ZNF37A: variants seen among roughly 807,000 people sequenced by gnomAD.
The protein encoded by ZNF37A is zinc finger protein 37A.
ZNF37A carries 10 observed loss-of-function variants against 12.3 expected under a neutral mutation model. The ratio of observed to expected loss-of-function variants is 0.82; its 90% confidence interval spans 0.50 to 1.38. The LOEUF (loss-of-function observed/expected upper bound fraction) is 1.38. Ranked by LOEUF, ZNF37A falls within the 40% of genes most tolerant of loss-of-function variation. The pLI, the probability that ZNF37A is intolerant of heterozygous loss-of-function variation, is 0.00. For missense variants in ZNF37A, 580 were observed against 651.2 expected (o/e 0.89, Z 1.19); for synonymous variants, 207 against 223.0 (o/e 0.93, Z 0.64).
chr10:38,104,382 T>C (rs2505197), intron 5 of ZNF37A, among the ~76,000 whole-genome samples: 62,317 of 151,692 alleles, frequency 0.41, 13,001 homozygotes, highest in East Asian at 0.5. Flanking sequence ...CATCAGCAAG[T>C]CATACCAGGA....
intron 7 of ZNF37A, chr10:38,117,072 A>G (rs192093442): frequency 1.3e-4 from 84 of 636,476 alleles, no homozygotes; most frequent in Non-Finnish European, 1.5e-4. Context: ...TCACGTCACT[A>G]CACTCCAGCC....
At chr10:38,115,460 C>G in intron 7 of ZNF37A, 170 bp downstream of exon 7, 1 of 843,272 alleles carries the variant, frequency 1.2e-6, no homozygotes, top group East Asian at 2.9e-5. Context: ...AATCACCCAG[C>G]ATCTCCCAGT....
chr10:38,100,515 A>G (rs2067479586), intron 5 of ZNF37A, among the ~76,000 whole-genome samples: 1 of 152,198 alleles, frequency 6.6e-6, no homozygotes, highest in Non-Finnish European at 1.5e-5. Context: ...TTCCTTGCTG[A>G]GAAAATTCAG....
downstream of ZNF37A, among the ~76,000 whole-genome samples, chr10:38,128,578 T>C (rs972386364): frequency 2.0e-5 from 3 of 152,166 alleles, no homozygotes; most frequent in African/African-American, 7.2e-5. Context: ...GGAACTAAAA[T>C]TTAAAAAGTC....
chr10:38,103,948 C>T (rs758130494), intron 5 of ZNF37A, among the ~76,000 whole-genome samples: 1 of 152,212 alleles, frequency 6.6e-6, no homozygotes, highest in Non-Finnish European at 1.5e-5. Flanking sequence ...CTGCATTAAC[C>T]TTTACTTCCT....
chr10:38,115,752 A>G (rs991572253), intron 7 of ZNF37A: 1 of 152,290 alleles, frequency 6.6e-6, no homozygotes, highest in African/African-American at 2.4e-5. Flanking sequence ...TTTTTTACAG[A>G]ATTGTTTTAA....
Position 38,119,844 on chromosome 10 carries a change from T to G in ZNF37A, c.*1007T>G, listed in dbSNP as rs2069588537. 6.6e-6 allele frequency: 1 copy of G among 152,108 alleles called. No individual in the cohort carries two copies. The highest frequency in any genetic ancestry group is 1.5e-5 in the Non-Finnish European group (1 of 68,012). 9.4% of individuals were successfully genotyped at this position (152,108 alleles called of 1,614,324 possible). On this transcript the variant is annotated 3_prime_UTR_variant, in exon 8 of 8. Coordinates refer to ENST00000685332, the MANE Select transcript of ZNF37A (RefSeq NM_001324250.3). ...AGTACAGGAGCCCACCAGCAGGATTTTTGAATAATCCTAGGGCAGACTAAA... is the reference window on the plus strand; with the variant it reads ...AGTACAGGAGCCCACCAGCAGGATTGTTGAATAATCCTAGGGCAGACTAAA...
At position 38,117,615 on chromosome 10, in the gene ZNF37A, T is replaced by A; in HGVS notation, c.464T>A (p.Phe155Tyr). 1.2e-6 allele frequency: 2 copies of A among 1,613,918 alleles called. No individual in the cohort carries two copies. Among genetic ancestry groups the A allele is most frequent in the East Asian group, 2.2e-5 (1 of 44,842 alleles). ...GAATACAATGAATGTGGGAAAGCTT[T>A]CCCTGAGAATTCACTCTTCCTTGTA... ...SFEYNECGKA[F>Y]PENSLFLVHK... Residue 155 changes from phenylalanine to tyrosine, a missense_variant, in exon 8 of 8, where the codon TTC (phenylalanine) becomes TAC (tyrosine). Phe to Tyr is a conservative substitution (Grantham distance 22). Transcript: ENST00000685332.
downstream of ZNF37A, among the ~76,000 whole-genome samples, chr10:38,129,311 A>AAAAAAAAAAAAAAAC: frequency 6.8e-6 from 1 of 147,108 alleles, no homozygotes; most frequent in African/African-American, 2.5e-5. Flanking sequence ...GTCTAAAAAA[A>AAAAAAAAAAAAAAAC]AAAAAAAAAA....
At chr10:38,101,629 C>A (rs1029338621) in intron 5 of ZNF37A, among the ~76,000 whole-genome samples, 1 of 149,580 alleles carries the variant, frequency 6.7e-6, no homozygotes, top group Admixed American at 6.7e-5. Flanking sequence ...GCTCTTGTAA[C>A]AATTTTTGAC....
In ZNF37A at chr10:38,114,772, G is replaced by T. The variant is rs777286666; in HGVS notation, c.33G>T (p.Arg11Ser). 4 of 1,613,982 alleles carry T rather than the reference G, an allele frequency of 2.5e-6. No homozygotes were observed. Among genetic ancestry groups the T allele is most frequent in the Non-Finnish European group, 2.5e-6 (3 of 1,179,978 alleles). The change falls in exon 6 of 8, where the codon AGG becomes AGT. Residue 11 changes from arginine (R) to serine (S), a missense_variant. Coordinates refer to ENST00000685332, the MANE Select transcript of ZNF37A (RefSeq NM_001324250.3). ...TTTTCCAGGGATCAGTGTCGTTTAGGGATGTGACTGTGGGCTTCACTCAAG... is the reference window on the plus strand; with the variant it reads ...TTTTCCAGGGATCAGTGTCGTTTAGTGATGTGACTGTGGGCTTCACTCAAG... MITSQGSVSF[R>S]DVTVGFTQEE...
At chr10:38,125,105 T>G (rs1354973315), downstream of ZNF37A, 1 of 152,210 alleles carries the variant, frequency 6.6e-6, no homozygotes, top group Non-Finnish European at 1.5e-5. Flanking sequence ...TTGAGTTAGA[T>G]GATGATTTCT....
chr10:38,106,699 C>T (rs1420269200), intron 5 of ZNF37A, among the ~76,000 whole-genome samples: 6 of 151,892 alleles, frequency 4.0e-5, no homozygotes, highest in Admixed American at 1.3e-4. Context: ...ACAAGAACTT[C>T]GTGAAGCATA....
chr10:38,114,372 C>T (rs1308443086), intron 5 of ZNF37A, among the ~76,000 whole-genome samples: 8 of 152,162 alleles, frequency 5.3e-5, no homozygotes, highest in Admixed American at 1.3e-4. Flanking sequence ...ATCTGTGTTA[C>T]ACATAGCTGT....
rs1405971898 is a variant in ZNF37A at position 38,122,669 on chromosome 10, A to G, written c.*3832A>G. Reference sequence around the variant, plus strand: ...TAGACCCCCATCTCTTAGCATATACAAAAATCAAAATTAATTAAAAAGTTA... The same window carrying G: ...TAGACCCCCATCTCTTAGCATATACGAAAATCAAAATTAATTAAAAAGTTA... On this transcript the variant is annotated 3_prime_UTR_variant, in exon 8 of 8. Transcript: ENST00000685332. 6.6e-6 allele frequency: 1 copy of G among 152,202 alleles called. No individual in the cohort carries two copies. The highest frequency in any genetic ancestry group is 2.4e-5 in the African/African-American group (1 of 41,456). The allele number at this position is 152,202 out of a possible 1,614,324, so 9.4% of individuals were successfully genotyped here. A position where few individuals can be genotyped will look rare whatever the true frequency, so the allele number is the denominator to read the frequency against.
At position 38,124,370 on chromosome 10, in the gene ZNF37A, C is replaced by T. The variant is rs1256083253; in HGVS notation, c.*5533C>T. On this transcript the variant is annotated 3_prime_UTR_variant, in exon 8 of 8. Transcript: ENST00000685332. ...GGGAAGTGGGGAATGTTAACGGGCA[C>T]AAAATGTAGAATGACTAAGACCTAG... 6.6e-6 allele frequency: 1 copy of T among 152,046 alleles called. No individual in the cohort carries two copies. Among genetic ancestry groups the T allele is most frequent in the East Asian group, 1.9e-4 (1 of 5,184 alleles). The allele number at this position is 152,046 out of a possible 1,614,324, so 9.4% of individuals were successfully genotyped here.
chr10:38,118,957 G>GAAAA lies in ZNF37A; in HGVS notation c.*123_*126dup, dbSNP rs75525219. The GAAAA allele has an allele frequency of 5.5e-4, 736 of 1,330,428 alleles. 1 individual carries two copies. The highest frequency in any genetic ancestry group is 8.6e-4 in the Admixed American group (25 of 28,920). 82.4% of individuals were successfully genotyped at this position (1,330,428 alleles called of 1,614,324 possible). On this transcript the variant is annotated 3_prime_UTR_variant, in exon 8 of 8. Coordinates refer to ENST00000685332, the MANE Select transcript of ZNF37A (RefSeq NM_001324250.3). The stretch of plus-strand genomic sequence containing the variant: ...CAGTATAGAAGAGAACTTAAAGAGG[G>GAAAA]AAAAAACAATATGAAGATAGGGAAT...
intron 7 of ZNF37A, among the ~76,000 whole-genome samples, chr10:38,116,214 CTA>C (rs2069259472): frequency 6.6e-6 from 1 of 152,096 alleles, no homozygotes; most frequent in East Asian, 1.9e-4. Context: ...ATTTAAATAT[CTA>C]TATAGGGCAC....
At chr10:38,107,266 T>C (rs2505190) in intron 5 of ZNF37A, among the ~76,000 whole-genome samples, 73,327 of 151,934 alleles carry the variant, frequency 0.48, 17,864 homozygotes, top group East Asian at 0.54. Flanking sequence ...GCTTCATAAG[T>C]GAAGGAGAAA....
Sources: allele counts gnomAD v4.1 joint callset (sites outside exome capture counted in the v4.1 genomes callset), GRCh38; gene constraint gnomAD v4.1.1; transcripts MANE v1.5; gene names NCBI Gene and HGNC (gene_info 2026-07-23, HGNC 2026-07-21).